The following TEX11 variants were observed in gnomAD, a reference collection of about 807,000 sequenced individuals.
TEX11 encodes testis-expressed protein 11.
Under a neutral mutation model 84.4 loss-of-function variants are expected in TEX11, and 7 were observed. The ratio of observed to expected loss-of-function variants is 0.08; its 90% CI spans 0.05 to 0.16. TEX11 has a LOEUF of 0.16. Among genes scored for constraint, TEX11 ranks in the 10% least tolerant of loss-of-function variants. The probability of loss-of-function intolerance (pLI) is 1.00; values close to 1 mark genes in which losing one functional copy is unlikely to be tolerated. For missense variants in TEX11, 551 were observed against 660.5 expected (o/e 0.83, Z 1.82); for synonymous variants, 264 against 222.8 (o/e 1.18, Z -1.64).
intron 13 of TEX11, among the ~76,000 whole-genome samples, chrX:70,695,873 T>C (rs1219281361): frequency 8.9e-6 from 1 of 111,892 alleles, no homozygotes; most frequent in Non-Finnish European, 1.9e-5. Context: ...AAGAGTATGT[T>C]TGCCAAATAT....
chrX:70,528,434 C>A (rs1173769122), downstream of TEX11, among the ~76,000 whole-genome samples: 1 of 110,793 alleles, frequency 9.0e-6, no homozygotes, highest in East Asian at 2.8e-4. Context: ...TCTCCTGCCT[C>A]AGCCTCCCGA....
At chrX:70,729,511 T>C (rs2090627506) in intron 11 of TEX11, among the ~76,000 whole-genome samples, 1 of 111,792 alleles carries the variant, frequency 8.9e-6, no homozygotes, top group Non-Finnish European at 1.9e-5. Flanking sequence ...ACGTGATGAA[T>C]GCACAAGCTT....
chrX:70,723,452 A>G (rs749890056), intron 12 of TEX11, among the ~76,000 whole-genome samples: 33 of 112,018 alleles, frequency 2.9e-4, no homozygotes, highest in Non-Finnish European at 4.7e-4. Context: ...TTAGAAAGCA[A>G]ACTTTTATGT....
chrX:70,539,471 C>T (rs1304976211), intron 28 of TEX11, among the ~76,000 whole-genome samples: 1 of 110,874 alleles, frequency 9.0e-6, no homozygotes, highest in Non-Finnish European at 1.9e-5. Context: ...TTTGAATCAC[C>T]TTAGCTTCCC....
chrX:70,731,038 T>G (rs1488824116), intron 11 of TEX11, among the ~76,000 whole-genome samples: 1 of 111,723 alleles, frequency 9.0e-6, no homozygotes, highest in Non-Finnish European at 1.9e-5. Flanking sequence ...CTGAACAACC[T>G]GCTCCTGAAT....
chrX:70,535,278 T>C (rs936379611), intron 28 of TEX11, among the ~76,000 whole-genome samples: 3 of 112,113 alleles, frequency 2.7e-5, no homozygotes, highest in Admixed American at 9.5e-5. Flanking sequence ...CTATGAACAT[T>C]TGCTATGAGT....
intron 13 of TEX11, among the ~76,000 whole-genome samples, chrX:70,717,281 CAT>C (rs916614572): frequency 1.8e-5 from 2 of 110,615 alleles, no homozygotes; most frequent in African/African-American, 6.6e-5. Flanking sequence ...GTCTGAACTA[CAT>C]TAGCTTAGTC....
At chrX:70,903,072 T>A (rs1237330911) in intron 2 of TEX11, among the ~76,000 whole-genome samples, 1 of 111,997 alleles carries the variant, frequency 8.9e-6, no homozygotes, top group Non-Finnish European at 1.9e-5. Context: ...CACTGGAAGT[T>A]CTTCAGGGGC....
At chrX:70,758,298 C>T (rs2090882913) in intron 9 of TEX11, among the ~76,000 whole-genome samples, 1 of 111,954 alleles carries the variant, frequency 8.9e-6, no homozygotes, top group East Asian at 2.8e-4. Context: ...CAGAACTCTC[C>T]ACCCCAAATC....
At position 70,850,114 on chromosome X, in the gene TEX11, A is replaced by G. The variant is rs181881662; in HGVS notation, c.525+2920T>C. 8.0e-5 allele frequency among the ~76,000 whole-genome samples: 9 copies of G among 112,254 alleles called. No individual in the cohort carries two copies. The East Asian group carries it at 1.4e-3, about 17-fold the overall frequency. On this transcript the variant is annotated intron_variant, in intron 7 of 29. Coordinates refer to ENST00000374333, the MANE Select transcript of TEX11 (RefSeq NM_031276.3). ...ATATTAAGCCAAAATCTGTCTTCCTATAATTTCTACCCATTGTTCTTCATT... is the reference window on the plus strand; with the variant it reads ...ATATTAAGCCAAAATCTGTCTTCCTGTAATTTCTACCCATTGTTCTTCATT...
chrX:70,895,268 C>T (rs1330383508), intron 2 of TEX11, among the ~76,000 whole-genome samples: 1 of 111,308 alleles, frequency 9.0e-6, no homozygotes, highest in Non-Finnish European at 1.9e-5. Context: ...AAATCCCATT[C>T]ACAATTGCTA....
chrX:70,790,551 A>G lies in TEX11; in HGVS notation c.692+16154T>C, dbSNP rs771841427. Reference sequence around the variant, plus strand: ...ACAGAGGCAGAGCTCAAGCCTGCGCAGAGCCCAGAAGGTTCTGCATGCAAG... The same window carrying G: ...ACAGAGGCAGAGCTCAAGCCTGCGCGGAGCCCAGAAGGTTCTGCATGCAAG... On this transcript the variant is annotated intron_variant, in intron 9 of 29. Coordinates refer to ENST00000374333, the MANE Select transcript of TEX11 (RefSeq NM_031276.3). 1.2e-4 allele frequency among the ~76,000 whole-genome samples: 13 copies of G among 112,545 alleles called. No individual in the cohort carries two copies. The South Asian group carries it at 4.1e-3, about 36-fold the overall frequency.
chrX:70,577,275 A>G (rs1276325563), intron 25 of TEX11, among the ~76,000 whole-genome samples: 1 of 112,058 alleles, frequency 8.9e-6, no homozygotes, highest in Non-Finnish European at 1.9e-5. Flanking sequence ...AGAAACAGAA[A>G]AAAAAAATGG....
At chrX:70,856,072 C>A (rs1448769094) in intron 5 of TEX11, among the ~76,000 whole-genome samples, 1 of 111,762 alleles carries the variant, frequency 8.9e-6, no homozygotes, top group East Asian at 2.8e-4. Context: ...ATAGTAATAG[C>A]CTTAAAAGTG....
At chrX:70,614,816 G>A (rs762411307) in intron 20 of TEX11, among the ~76,000 whole-genome samples, 1 of 111,058 alleles carries the variant, frequency 9.0e-6, no homozygotes, top group South Asian at 3.8e-4. Flanking sequence ...AGGAGAGAGT[G>A]AGAGAGAGAG....
intron 9 of TEX11, among the ~76,000 whole-genome samples, chrX:70,760,273 T>C (rs371328159): frequency 1.8e-5 from 2 of 111,822 alleles, no homozygotes; most frequent in Admixed American, 9.5e-5. Context: ...CTTTAAAGTT[T>C]ATATGGAACC....
Position 70,646,529 on chromosome X carries a change from G to C in TEX11, c.1483+4921C>G, listed in dbSNP as rs180677052. On this transcript the variant is annotated intron_variant, in intron 17 of 29. Coordinates refer to ENST00000374333, the MANE Select transcript of TEX11 (RefSeq NM_031276.3). The stretch of plus-strand genomic sequence containing the variant: ...TATAAGAAATTCAAACAATTCAATA[G>C]GAAGGAAACAAATAACCTGATTTTA... Among the ~76,000 whole-genome samples, 154 of 112,055 alleles carry C rather than the reference G, an allele frequency of 1.4e-3. No individual in the cohort carries two copies. In the Admixed American group the frequency reaches 0.014, roughly 10 times the overall value.
chrX:70,583,420 C>T (rs892000587), intron 25 of TEX11, among the ~76,000 whole-genome samples: 1 of 111,987 alleles, frequency 8.9e-6, no homozygotes, highest in African/African-American at 3.2e-5. Flanking sequence ...ATCCACGTTA[C>T]TGCAAATGAC....
chrX:70,812,695 G>A (rs1164192260), intron 8 of TEX11, among the ~76,000 whole-genome samples: 3 of 110,806 alleles, frequency 2.7e-5, no homozygotes, highest in Admixed American at 1.9e-4. Flanking sequence ...TTGATAGATC[G>A]CTAGCAAGGC....
Sources: gnomAD v4.1 joint callset for allele counts (sites outside exome capture counted in the v4.1 genomes callset) on GRCh38, gnomAD v4.1.1 for gene constraint, MANE v1.5 for transcripts, NCBI Gene and HGNC (gene_info 2026-07-23, HGNC 2026-07-21) for gene names.